The following PRRX1 variants were observed in gnomAD, a reference collection of about 807,000 sequenced individuals.
PRRX1 encodes paired mesoderm homeobox protein 1.
A neutral mutation model predicts 24.0 loss-of-function variants in PRRX1; 8 were observed. That is an observed-to-expected ratio of 0.33 (90% CI 0.20 to 0.60). PRRX1 has a LOEUF of 0.60. Ranked by LOEUF, PRRX1 falls within the 20% of genes least tolerant of loss-of-function variation. PRRX1 has a pLI of 0.82. For synonymous variants in PRRX1, 160 were observed against 131.7 expected, an observed-to-expected ratio of 1.22 and a Z score of -1.47; for missense variants, 281 against 322.4, an observed-to-expected ratio of 0.87 and a Z score of 0.98.
chr1:170,697,717 G>T (rs529052455), intron 1 of PRRX1, among the ~76,000 whole-genome samples: 3 of 144,536 alleles, frequency 2.1e-5, no homozygotes, highest in Non-Finnish European at 4.5e-5. Context: ...CACATATATA[G>T]ATATATAAAT....
intron 3 of PRRX1, 55 bp from the exon 4 acceptor site, chr1:170,735,993 A>G: frequency 6.2e-7 from 1 of 1,609,180 alleles, no homozygotes; most frequent in Non-Finnish European, 8.5e-7. Context: ...ACAGACTTGC[A>G]GCTTTGTGAA....
intron 1 of PRRX1, among the ~76,000 whole-genome samples, chr1:170,665,494 C>T (rs1652888875): frequency 6.6e-6 from 1 of 152,234 alleles, no homozygotes; most frequent in African/African-American, 2.4e-5. Context: ...CTGAACTTAG[C>T]TGTAAGTTCT....
chr1:170,720,048 G>T, intron 2 of PRRX1, 147 bp downstream of exon 2: 1 of 1,091,530 alleles, frequency 9.2e-7, no homozygotes, highest in Non-Finnish European at 1.3e-6. Context: ...CAGGCACATT[G>T]CTTGAGCTCA....
intron 1 of PRRX1, among the ~76,000 whole-genome samples, chr1:170,687,659 G>A (rs954974102): frequency 3.9e-5 from 6 of 152,206 alleles, no homozygotes; most frequent in Admixed American, 2.6e-4. Context: ...ATTGTGCCTC[G>A]TGTGTAGCAA....
chr1:170,695,721 C>T (rs987603162), intron 1 of PRRX1, among the ~76,000 whole-genome samples: 21 of 152,172 alleles, frequency 1.4e-4, no homozygotes, highest in Admixed American at 3.3e-4. Flanking sequence ...TCCCTGAGTG[C>T]CTGCCCTCAC....
chr1:170,732,214 G>T (rs564034580), intron 3 of PRRX1, among the ~76,000 whole-genome samples: 1 of 152,152 alleles, frequency 6.6e-6, no homozygotes, highest in South Asian at 2.1e-4. Context: ...CCTATAAATT[G>T]GTTGAAAACA....
At chr1:170,668,677 G>A (rs1653035641) in intron 1 of PRRX1, 1 of 152,218 alleles carries the variant, frequency 6.6e-6, no homozygotes, top group Non-Finnish European at 1.5e-5. Flanking sequence ...GCCCAGGAGA[G>A]CGGGAACATT....
chr1:170,718,934 A>G (rs754673031), intron 1 of PRRX1, among the ~76,000 whole-genome samples: 1 of 152,234 alleles, frequency 6.6e-6, no homozygotes, highest in Non-Finnish European at 1.5e-5. Flanking sequence ...CTTGACAGGT[A>G]AAAATGGAGT....
intron 1 of PRRX1, among the ~76,000 whole-genome samples, chr1:170,692,472 C>T (rs1002236875): frequency 6.6e-6 from 1 of 151,542 alleles, no homozygotes; most frequent in Non-Finnish European, 1.5e-5. Context: ...AAGGGATCAC[C>T]TTACATTATT....
At chr1:170,693,728 T>C (rs1247202336) in intron 1 of PRRX1, among the ~76,000 whole-genome samples, 1 of 152,024 alleles carries the variant, frequency 6.6e-6, no homozygotes, top group Admixed American at 6.6e-5. Flanking sequence ...GGAAGTTGGA[T>C]CGAAAAGATG....
At chr1:170,667,402 G>A (rs1652977366) in intron 1 of PRRX1, 1 of 152,198 alleles carries the variant, frequency 6.6e-6, no homozygotes, top group African/African-American at 2.4e-5. Flanking sequence ...GCTTTTATAA[G>A]CACTTTTCTC....
At chr1:170,677,955 G>C (rs993253762) in intron 1 of PRRX1, among the ~76,000 whole-genome samples, 20 of 152,132 alleles carry the variant, frequency 1.3e-4, no homozygotes, top group African/African-American at 4.3e-4. Context: ...TCTTATTCCA[G>C]ACCTGACATA....
chr1:170,680,739 G>T (rs1653478088), intron 1 of PRRX1, among the ~76,000 whole-genome samples: 1 of 152,156 alleles, frequency 6.6e-6, no homozygotes, highest in Non-Finnish European at 1.5e-5. Flanking sequence ...AGTTATCCTG[G>T]CTGCATCACC....
chr1:170,679,229 C>G (rs190126204), intron 1 of PRRX1, among the ~76,000 whole-genome samples: 1 of 152,106 alleles, frequency 6.6e-6, no homozygotes, highest in African/African-American at 2.4e-5. Flanking sequence ...GCTTAACAAA[C>G]GGTTGCTGAA....
intron 1 of PRRX1, among the ~76,000 whole-genome samples, chr1:170,694,213 T>G (rs1295787099): frequency 6.6e-6 from 1 of 152,148 alleles, no homozygotes. Context: ...AAAGGTTTGA[T>G]CAATTTTTTA....
At chr1:170,664,088 C>CCTCCCTCTCTCTCTCTCTCT (rs1553250935), upstream of PRRX1, 5 of 665,656 alleles carry the variant, frequency 7.5e-6, no homozygotes, top group African/African-American at 4.9e-5. Context: ...CCTCTTCCTC[C>CCTCCCTCTCTCTCTCTCTCT]CTCTCTCTCT....
intron 1 of PRRX1, among the ~76,000 whole-genome samples, chr1:170,666,417 CA>C (rs35075394): frequency 0.16 from 12,263 of 75,194 alleles, 485 homozygotes; most frequent in Middle Eastern, 0.33. Context: ...GACTCCGTCT[CA>C]AAAAAAAAAA....
intron 2 of PRRX1, among the ~76,000 whole-genome samples, chr1:170,722,187 C>T (rs899316468): frequency 2.6e-5 from 4 of 152,058 alleles, no homozygotes; most frequent in African/African-American, 7.3e-5. Flanking sequence ...CCATGAAAGC[C>T]TACCTTTTCC....
intron 3 of PRRX1, among the ~76,000 whole-genome samples, chr1:170,735,759 C>A (rs1254499187): frequency 6.6e-6 from 1 of 152,138 alleles, no homozygotes; most frequent in African/African-American, 2.4e-5. Context: ...ACTTTCTTCT[C>A]TCACCCCAGA....
Sources: allele counts gnomAD v4.1 joint callset (sites outside exome capture counted in the v4.1 genomes callset), GRCh38; gene constraint gnomAD v4.1.1; transcripts MANE v1.5; gene names NCBI Gene and HGNC (gene_info 2026-07-23, HGNC 2026-07-21).